Variants in CERS3 observed in about 807,000 individuals in gnomAD.
CERS3 encodes ceramide synthase 3.
A neutral mutation model predicts 50.3 loss-of-function variants in CERS3; 33 were observed. That is an observed-to-expected ratio of 0.66 (90% CI 0.50 to 0.88). CERS3 has a LOEUF of 0.88. Among genes scored for constraint, CERS3 ranks in the 40% least tolerant of loss-of-function variants. The pLI, the probability that CERS3 is intolerant of heterozygous loss-of-function variation, is 0.00. For missense variants in CERS3, 470 were observed against 460.3 expected, an observed-to-expected ratio of 1.02 and a Z score of -0.19; for synonymous variants, 176 against 155.2, an observed-to-expected ratio of 1.13 and a Z score of -0.99.
intron 11 of CERS3, among the ~76,000 whole-genome samples, chr15:100,407,175 T>A (rs2031108596): frequency 6.6e-6 from 1 of 152,114 alleles, no homozygotes; most frequent in African/African-American, 2.4e-5. Flanking sequence ...ACAAAGAACC[T>A]AATTTCTCTC....
At chr15:100,494,525 AC>A (rs1210613901) in intron 3 of CERS3, among the ~76,000 whole-genome samples, 1 of 151,826 alleles carries the variant, frequency 6.6e-6, no homozygotes. Context: ...GGGATTACAG[AC>A]GTGAGGCTTA....
At chr15:100,430,061 C>G (rs2033036301) in intron 11 of CERS3, among the ~76,000 whole-genome samples, 1 of 151,756 alleles carries the variant, frequency 6.6e-6, no homozygotes, top group Non-Finnish European at 1.5e-5. Flanking sequence ...ACCTGTAATC[C>G]CAGCACTTTG....
intron 11 of CERS3, among the ~76,000 whole-genome samples, chr15:100,423,605 G>A (rs118036197): frequency 0.016 from 2,388 of 152,254 alleles, 33 homozygotes; most frequent in South Asian, 0.042. Context: ...ACTTGAGGGC[G>A]GAGGGTAGGG....
intron 1 of CERS3, among the ~76,000 whole-genome samples, chr15:100,540,796 G>C (rs568451544): frequency 1.3e-5 from 2 of 152,296 alleles, no homozygotes; most frequent in South Asian, 2.1e-4. Context: ...GGGTTGACAA[G>C]AGACCCTCAA....
At chr15:100,421,020 C>T (rs1238002842) in intron 11 of CERS3, among the ~76,000 whole-genome samples, 14 of 143,462 alleles carry the variant, frequency 9.8e-5, no homozygotes, top group Non-Finnish European at 1.8e-4. Context: ...TGAAAACTGG[C>T]ACAAGACAGG....
chr15:100,422,345 C>A (rs2032500862), intron 11 of CERS3, among the ~76,000 whole-genome samples: 1 of 121,570 alleles, frequency 8.2e-6, no homozygotes, highest in Non-Finnish European at 1.7e-5. Context: ...TGCTCATCAT[C>A]ACTGGCCATC....
At position 100,496,388 on chromosome 15, in the gene CERS3, A is replaced by G. The variant is rs867775603; in HGVS notation, c.173+5289T>C. ...CACTGATATACATAACATGAAAAAA[A>G]TCTTAAAAGCATTAAGCTTAATGAA... On this transcript the variant is annotated intron_variant, in intron 3 of 11. Transcript: ENST00000679737. Among the ~76,000 whole-genome samples the G allele has an allele frequency of 4.6e-5, 7 of 152,228 alleles. No individual in the cohort carries two copies. The South Asian group carries it at 1.0e-3, about 23-fold the overall frequency.
chr15:100,510,026 C>CACAA (rs2036294153), intron 2 of CERS3, among the ~76,000 whole-genome samples: 1 of 144,914 alleles, frequency 6.9e-6, no homozygotes. Flanking sequence ...CAAACCCAGC[C>CACAA]AAAAAAAAAA....
intron 11 of CERS3, among the ~76,000 whole-genome samples, chr15:100,441,703 T>C (rs899436078): frequency 2.6e-5 from 4 of 152,120 alleles, no homozygotes; most frequent in Non-Finnish European, 5.9e-5. Context: ...AAATGGCACT[T>C]TCAATTTTTC....
chr15:100,462,782 A>G (rs2034592692), intron 10 of CERS3, among the ~76,000 whole-genome samples: 1 of 152,232 alleles, frequency 6.6e-6, no homozygotes, highest in Admixed American at 6.5e-5. Context: ...CAACTGTTCC[A>G]GATGAATGAC....
chr15:100,525,917 C>A (rs1321784332), intron 1 of CERS3, among the ~76,000 whole-genome samples: 1 of 152,164 alleles, frequency 6.6e-6, no homozygotes, highest in Non-Finnish European at 1.5e-5. Context: ...TTTTTTCAAT[C>A]ATCCTGGGTC....
chr15:100,416,530 A>T (rs1299396187), intron 11 of CERS3, among the ~76,000 whole-genome samples: 1 of 152,204 alleles, frequency 6.6e-6, no homozygotes, highest in Non-Finnish European at 1.5e-5. Context: ...AAGAAGTTTA[A>T]TTGACTCATA....
At chr15:100,432,186 G>A (rs2033171467) in intron 11 of CERS3, among the ~76,000 whole-genome samples, 1 of 151,902 alleles carries the variant, frequency 6.6e-6, no homozygotes, top group Non-Finnish European at 1.5e-5. Context: ...TCCTGCCTCA[G>A]CCTCCCAAAC....
chr15:100,504,473 C>T (rs988742416), intron 2 of CERS3, among the ~76,000 whole-genome samples: 10 of 152,088 alleles, frequency 6.6e-5, no homozygotes, highest in African/African-American at 2.4e-4. Context: ...GAACTCCCAA[C>T]CTCAGGTGAT....
rs1367401744 is a variant in CERS3, at chr15:100,400,904, G to A, written c.*1809C>T. 3 of 152,056 alleles carry A rather than the reference G, an allele frequency of 2.0e-5. No homozygotes were observed. The highest frequency in any genetic ancestry group is 2.0e-4 in the Admixed American group (3 of 15,262). The allele number at this position is 152,056 out of a possible 1,614,324, so 9.4% of individuals were successfully genotyped here. On this transcript the variant is annotated 3_prime_UTR_variant, in exon 12 of 12. Transcript: ENST00000679737. ...TATAATATCATATTATGCATATAAT[G>A]CATATGATATTGTCCTCATAAAAGC...
At chr15:100,438,142 T>G (rs915968017) in intron 11 of CERS3, among the ~76,000 whole-genome samples, 7 of 148,430 alleles carry the variant, frequency 4.7e-5, no homozygotes, top group Non-Finnish European at 7.4e-5. Context: ...CCTCTCTGGT[T>G]CAAGCAATTC....
chr15:100,507,152 A>G (rs979294796), intron 2 of CERS3, among the ~76,000 whole-genome samples: 2 of 152,216 alleles, frequency 1.3e-5, no homozygotes, highest in African/African-American at 4.8e-5. Context: ...AGAAATAAAG[A>G]CTATAACCAG....
At chr15:100,527,259 T>C (rs1010427167) in intron 1 of CERS3, among the ~76,000 whole-genome samples, 1 of 152,176 alleles carries the variant, frequency 6.6e-6, no homozygotes, top group Admixed American at 6.5e-5. Context: ...ATCATGCCAC[T>C]GCACTGCAGC....
intron 1 of CERS3, chr15:100,544,493 C>CTGTGCGGG (rs2037306840): frequency 1.6e-5 from 1 of 61,220 alleles, no homozygotes; most frequent in Admixed American, 1.4e-4. Context: ...CTCTCGGCCT[C>CTGTGCGGG]GACCTGGGCC....
Sources: gnomAD v4.1 joint callset for allele counts (sites outside exome capture counted in the v4.1 genomes callset) on GRCh38, gnomAD v4.1.1 for gene constraint, MANE v1.5 for transcripts, NCBI Gene and HGNC (gene_info 2026-07-23, HGNC 2026-07-21) for gene names.